Variants in DCLK1 observed in about 807,000 individuals in gnomAD.
DCLK1 encodes serine/threonine-protein kinase DCLK1.
A neutral mutation model predicts 86.2 loss-of-function variants in DCLK1; 16 were observed. The ratio of observed to expected loss-of-function variants is 0.19; its 90% CI spans 0.13 to 0.28. DCLK1 has a LOEUF of 0.28. Ranked by LOEUF, DCLK1 falls within the 10% of genes least tolerant of loss-of-function variation. The pLI, the probability that DCLK1 is intolerant of heterozygous loss-of-function variation, is 1.00. For missense variants in DCLK1, 590 were observed against 940.2 expected (o/e 0.63, Z 4.87); for synonymous variants, 369 against 370.5 (o/e 1.00, Z 0.05).
At chr13:35,842,003 A>G (rs1414369400) in intron 6 of DCLK1, among the ~76,000 whole-genome samples, 4 of 151,802 alleles carry the variant, frequency 2.6e-5, no homozygotes, top group Admixed American at 6.6e-5. Context: ...TGAACATACT[A>G]CTTCCTGAGG....
At chr13:36,100,199 A>G (rs1184641097) in intron 3 of DCLK1, among the ~76,000 whole-genome samples, 1 of 130,454 alleles carries the variant, frequency 7.7e-6, no homozygotes, top group Admixed American at 8.1e-5. Flanking sequence ...AAAAAAAAAA[A>G]AAAAAAAAAA....
At chr13:35,945,923 A>G (rs986666749) in intron 4 of DCLK1, among the ~76,000 whole-genome samples, 1 of 152,224 alleles carries the variant, frequency 6.6e-6, no homozygotes, top group Non-Finnish European at 1.5e-5. Flanking sequence ...AAATCTCTTC[A>G]CATGACACAT....
intron 3 of DCLK1, among the ~76,000 whole-genome samples, chr13:36,086,560 C>T (rs1566675435): frequency 6.6e-6 from 1 of 151,734 alleles, no homozygotes; most frequent in East Asian, 1.9e-4. Context: ...ACCCATCAAC[C>T]CGTCATCTAG....
intron 3 of DCLK1, among the ~76,000 whole-genome samples, chr13:36,071,826 T>A (rs1441022882): frequency 6.6e-6 from 1 of 152,204 alleles, no homozygotes; most frequent in African/African-American, 2.4e-5. Flanking sequence ...TGCTTTTTGG[T>A]TGTAGGGAAA....
intron 3 of DCLK1, among the ~76,000 whole-genome samples, chr13:36,108,294 C>T (rs1885477040): frequency 6.6e-6 from 1 of 152,192 alleles, no homozygotes. Flanking sequence ...ACATAGGCTG[C>T]TTATGAACCA....
intron 4 of DCLK1, among the ~76,000 whole-genome samples, chr13:35,893,522 T>C (rs561936346): frequency 6.6e-6 from 1 of 152,156 alleles, no homozygotes; most frequent in African/African-American, 2.4e-5. Context: ...CCAAAACTTT[T>C]TGAGTGCTGA....
At chr13:36,078,874 G>A (rs942324030) in intron 3 of DCLK1, among the ~76,000 whole-genome samples, 2 of 152,106 alleles carry the variant, frequency 1.3e-5, no homozygotes, top group Non-Finnish European at 2.9e-5. Flanking sequence ...ATTTTTACTA[G>A]GCTTTGGAAG....
intron 11 of DCLK1, among the ~76,000 whole-genome samples, chr13:35,817,300 G>T (rs2087290230): frequency 6.6e-6 from 1 of 152,054 alleles, no homozygotes; most frequent in Non-Finnish European, 1.5e-5. Context: ...GCCAATTACG[G>T]TACTAAATAA....
chr13:35,881,975 T>C (rs528092161), intron 4 of DCLK1, among the ~76,000 whole-genome samples: 115 of 152,304 alleles, frequency 7.6e-4, no homozygotes, highest in African/African-American at 2.3e-3. Flanking sequence ...TGAATTTTGA[T>C]TTCTCTTTAT....
intron 3 of DCLK1, among the ~76,000 whole-genome samples, chr13:36,098,226 G>A (rs1885082913): frequency 1.3e-5 from 2 of 152,150 alleles, no homozygotes; most frequent in South Asian, 2.1e-4. Context: ...TACCTTCCTG[G>A]AATGCCAATT....
At chr13:35,806,904 T>C (rs188774129) in intron 14 of DCLK1, among the ~76,000 whole-genome samples, 1 of 152,252 alleles carries the variant, frequency 6.6e-6, no homozygotes, top group African/African-American at 2.4e-5. Flanking sequence ...TTGAAGAAAA[T>C]GAGAGACTTG....
intron 4 of DCLK1, among the ~76,000 whole-genome samples, chr13:35,922,595 A>G (rs1875865054): frequency 6.6e-6 from 1 of 152,262 alleles, no homozygotes; most frequent in Admixed American, 6.5e-5. Flanking sequence ...AGCACTGCGC[A>G]AACTGCAAGA....
chr13:36,090,235 T>C lies in DCLK1; in HGVS notation c.723+21634A>G, dbSNP rs187041009. On this transcript the variant is annotated intron_variant, in intron 3 of 16. Coordinates refer to ENST00000360631, the MANE Select transcript of DCLK1 (RefSeq NM_001330071.2). ...TTGGGTCTGGACATTCAGATCTTTC[T>C]GGATGAAAATTCTCAGAGCAGCAAA... Among the ~76,000 whole-genome samples, 757 of 152,342 alleles carry C rather than the reference T, an allele frequency of 5.0e-3. 4 individuals are homozygous for C. Among genetic ancestry groups the C allele is most frequent in the African/African-American group, 0.017 (718 of 41,582 alleles).
At position 35,772,676 on chromosome 13, in the gene DCLK1, A is replaced by C. The variant is rs77702358; in HGVS notation, c.*1859T>G. On this transcript the variant is annotated 3_prime_UTR_variant, in exon 17 of 17. Coordinates refer to ENST00000360631, the MANE Select transcript of DCLK1 (RefSeq NM_001330071.2). ...CTTCCGGATGCTCTAAAAGGGGGGGAAAAAAACCTCAATAAACGATATGCT... is the reference window on the plus strand; with the variant it reads ...CTTCCGGATGCTCTAAAAGGGGGGGCAAAAAACCTCAATAAACGATATGCT... 1 of 95,720 alleles carries C rather than the reference A, an allele frequency of 1.0e-5. No homozygotes were observed. The highest frequency in any genetic ancestry group is 9.4e-5 in the Admixed American group (1 of 10,658). 5.9% of individuals were successfully genotyped at this position (95,720 alleles called of 1,614,324 possible).
chr13:35,861,341 C>T (rs773631269), intron 5 of DCLK1, among the ~76,000 whole-genome samples: 4 of 152,168 alleles, frequency 2.6e-5, no homozygotes, highest in Non-Finnish European at 4.4e-5. Context: ...GATCCAAGAA[C>T]AGGCTATGGT....
chr13:35,838,403 T>C (rs144927800), intron 7 of DCLK1, among the ~76,000 whole-genome samples: 53 of 152,328 alleles, frequency 3.5e-4, no homozygotes, highest in African/African-American at 1.2e-3. Flanking sequence ...CTTTTCCAAA[T>C]ACTTCCCCAC....
At chr13:35,978,569 C>A (rs998338538) in intron 3 of DCLK1, among the ~76,000 whole-genome samples, 1 of 152,092 alleles carries the variant, frequency 6.6e-6, no homozygotes, top group Admixed American at 6.6e-5. Flanking sequence ...TCTTTCCATT[C>A]TCACTCAATA....
chr13:36,114,745 T>C (rs1024733299), intron 2 of DCLK1, among the ~76,000 whole-genome samples: 4 of 152,228 alleles, frequency 2.6e-5, no homozygotes, highest in African/African-American at 9.6e-5. Flanking sequence ...TAAAGTTGGT[T>C]GTATTTTCTG....
chr13:35,896,022 A>G (rs554857914), intron 4 of DCLK1, among the ~76,000 whole-genome samples: 13 of 152,306 alleles, frequency 8.5e-5, no homozygotes, highest in African/African-American at 3.1e-4. Flanking sequence ...TTAGAATAAT[A>G]CAAGTAAGGC....
Sources: allele counts gnomAD v4.1 joint callset (sites outside exome capture counted in the v4.1 genomes callset), GRCh38; gene constraint gnomAD v4.1.1; transcripts MANE v1.5; gene names NCBI Gene and HGNC (gene_info 2026-07-23, HGNC 2026-07-21).